Variants in HDAC7 observed in about 807,000 individuals in gnomAD.
HDAC7 encodes histone deacetylase 7A.
In HDAC7, 26 loss-of-function variants were observed where a neutral mutation model predicts 115.5. The observed-to-expected ratio is 0.23, with a 90% CI of 0.16 to 0.31. The LOEUF (loss-of-function observed/expected upper bound fraction) is 0.31. Ranked by LOEUF, HDAC7 falls within the 10% of genes least tolerant of loss-of-function variation. HDAC7 has a pLI of 1.00. For synonymous variants in HDAC7, 564 were observed against 550.9 expected (o/e 1.02, Z -0.33); for missense variants, 1,068 against 1,329.0 (o/e 0.80, Z 3.05).
chr12:47,785,587 T>C, intron 23 of HDAC7, 116 bp from the exon 24 acceptor site: 1 of 1,366,670 alleles, frequency 7.3e-7, no homozygotes, highest in African/African-American at 1.4e-5. Context: ...GGCCAGGAGA[T>C]GCTGCCTGGA....
chr12:47,810,804 GTCTCTCTCTC>G (rs60132211), intron 1 of HDAC7, among the ~76,000 whole-genome samples: 21,718 of 131,588 alleles, frequency 0.17, 2,060 homozygotes, highest in Non-Finnish European at 0.23. Flanking sequence ...GGAGGAAAAG[GTCTCTCTCTC>G]TCTCTCTCTC....
chr12:47,787,174 G>A (rs1012158161), intron 21 of HDAC7, among the ~76,000 whole-genome samples: 4 of 152,222 alleles, frequency 2.6e-5, no homozygotes, highest in South Asian at 2.1e-4. Flanking sequence ...CTGAGTAGGG[G>A]ACAACTAGGT....
rs1190141820 is a variant in HDAC7 at position 47,798,525 on chromosome 12, G to A, written c.349+37C>T. The stretch of plus-strand genomic sequence containing the variant: ...ACAGGCAGCCGCAGGCACCTGGCTG[G>A]TGGGGCTGGGCTGGGCTGGGGTGGC... On this transcript the variant is annotated intron_variant, in intron 4 of 25. Coordinates refer to ENST00000080059, the MANE Select transcript of HDAC7 (RefSeq NM_015401.5). This position sits in a 1 kb window ranked among gnomAD's most constrained non-coding sequence, Gnocchi z 4.3. The A allele has an allele frequency of 6.3e-7, 1 of 1,592,550 alleles. No homozygotes were observed. The highest frequency in any genetic ancestry group is 8.6e-7 in the Non-Finnish European group (1 of 1,162,556).
In HDAC7 at chr12:47,785,791, G is replaced by A. The variant is rs112697288; in HGVS notation, c.2667C>T (p.Asp889=). The A allele has an allele frequency of 2.1e-4, 330 of 1,609,722 alleles. No homozygotes were observed. In the African/African-American group the frequency reaches 2.9e-3, roughly 14 times the overall value. The change falls in exon 23 of 26, where the codon GAC becomes GAT. Residue 889 remains aspartate, a synonymous_variant. Coordinates refer to ENST00000080059, the MANE Select transcript of HDAC7 (RefSeq NM_015401.5). ...EGGHDLTAIC[D]ASEACVAALL... is the part of the protein sequence containing the mutation. ...GAGCAGCCACACAGGCCTCAGAGGC[G>A]TCACAGATGGCTGTGAGGTCATGGC...
intron 1 of HDAC7, among the ~76,000 whole-genome samples, chr12:47,808,438 T>C (rs916535071): frequency 1.2e-4 from 19 of 152,062 alleles, no homozygotes; most frequent in African/African-American, 4.6e-4. Context: ...TGGTTCTTTG[T>C]CCCCCACCCC....
At chr12:47,788,274 G>A (rs1488439282) in intron 19 of HDAC7, 110 bp from the exon 20 acceptor site, 1 of 1,375,346 alleles carries the variant, frequency 7.3e-7, no homozygotes. Context: ...CCTAGACTGG[G>A]ATCAGGAACC....
intron 1 of HDAC7, among the ~76,000 whole-genome samples, chr12:47,806,840 T>C (rs1339074945): frequency 6.6e-6 from 1 of 152,106 alleles, no homozygotes; most frequent in Non-Finnish European, 1.5e-5. Context: ...TGCAGCCTCC[T>C]TCCTGGCATT....
intron 1 of HDAC7, among the ~76,000 whole-genome samples, chr12:47,808,730 T>A (rs1944517858): frequency 6.6e-6 from 1 of 152,220 alleles, no homozygotes; most frequent in African/African-American, 2.4e-5. Flanking sequence ...GGCCTGCATC[T>A]ACTTCCTATT....
intron 17 of HDAC7, 69 bp downstream of exon 17, chr12:47,789,744 C>T: frequency 7.1e-7 from 1 of 1,403,916 alleles, no homozygotes; most frequent in Admixed American, 1.7e-5. Flanking sequence ...GGTTCTGGGC[C>T]TGGATTCCCC....
At chr12:47,784,481 T>C (rs1943048071) in intron 24 of HDAC7, 1 of 602,196 alleles carries the variant, frequency 1.7e-6, no homozygotes, top group Non-Finnish European at 2.9e-6. Flanking sequence ...CCCCTGTGGC[T>C]GCAAGGCCAC....
Position 47,798,262 on chromosome 12 carries a change from G to C in HDAC7, c.350-43C>G, listed in dbSNP as rs964751681. 6.7e-7 allele frequency: 1 copy of C among 1,495,450 alleles called. No individual in the cohort carries two copies. Among genetic ancestry groups the C allele is most frequent in the Non-Finnish European group, 9.3e-7 (1 of 1,074,202 alleles). The allele number at this position is 1,495,450 out of a possible 1,614,324, so 92.6% of individuals were successfully genotyped here. ...GGAGGGGGCTGGAGGTGGGTGGACA[G>C]GCGGCCTCGTGGCACTACCTGGCCA... On this transcript the variant is annotated intron_variant, in intron 4 of 25. Transcript: ENST00000080059. The surrounding 1 kb of genome is among the most constrained non-coding windows in gnomAD (Gnocchi z 4.3).
At chr12:47,812,807 C>T (rs1944722779) in intron 1 of HDAC7, 1 of 152,274 alleles carries the variant, frequency 6.6e-6, no homozygotes, top group Admixed American at 6.5e-5. Context: ...GATCCCACAC[C>T]TTTCGACTAA....
chr12:47,789,339 G>A lies in HDAC7; in HGVS notation c.2157C>T (p.Cys719=). ...AGGCGATGGCCACTGAGTTGAAGAA[G>A]CAGAAGCCCCTGGAAGGAGAGACAG... ...HADHSTAMGF[C]FFNSVAIACR... The change falls in exon 19 of 26, where the codon TGC becomes TGT. Residue 719 remains cysteine, a synonymous_variant. Transcript: ENST00000080059. The A allele has an allele frequency of 6.2e-7, 1 of 1,613,824 alleles. No homozygotes were observed. The highest frequency in any genetic ancestry group is 1.1e-5 in the South Asian group (1 of 91,086).
intron 18 of HDAC7, 33 bp downstream of exon 18, chr12:47,789,490 C>T (rs200040296): frequency 3.1e-6 from 5 of 1,610,822 alleles, no homozygotes; most frequent in East Asian, 4.5e-5. Context: ...TTGCCCCCCA[C>T]CTCATCCCAC....
chr12:47,802,683 G>A (rs1944226461), intron 1 of HDAC7, among the ~76,000 whole-genome samples: 1 of 152,194 alleles, frequency 6.6e-6, no homozygotes, highest in South Asian at 2.1e-4. Flanking sequence ...AGAGGTGGGA[G>A]AGCCTGGCTG....
chr12:47,821,217 A>C (rs769796079), upstream of HDAC7, among the ~76,000 whole-genome samples: 2 of 152,220 alleles, frequency 1.3e-5, no homozygotes, highest in Non-Finnish European at 2.9e-5. Flanking sequence ...TGGAAGCAAG[A>C]GCCCACAGTG....
At position 47,797,899 on chromosome 12, in the gene HDAC7, A is replaced by T. The variant is rs1236392804; in HGVS notation, c.461+209T>A. Among the ~76,000 whole-genome samples, 1 of 61,980 alleles carries T rather than the reference A, an allele frequency of 1.6e-5. No homozygotes were observed. The highest frequency in any genetic ancestry group is 3.7e-5 in the Non-Finnish European group (1 of 27,094). 40.7% of individuals were successfully genotyped at this position (61,980 alleles called of 152,430 possible). On this transcript the variant is annotated intron_variant, in intron 5 of 25. Coordinates refer to ENST00000080059, the MANE Select transcript of HDAC7 (RefSeq NM_015401.5). This position sits in a 1 kb window ranked among gnomAD's most constrained non-coding sequence, Gnocchi z 5.5. ...GTGTGTGTGTGTGTGTGTGTGTGAG[A>T]AGGGCTCAGGTGGGGTGGGGAGAAT... is the stretch of plus-strand genomic sequence containing the variant.
intron 2 of HDAC7, among the ~76,000 whole-genome samples, chr12:47,799,762 T>C (rs1415800627): frequency 6.6e-6 from 1 of 152,194 alleles, no homozygotes; most frequent in Admixed American, 6.5e-5. Flanking sequence ...GGGCTATTTA[T>C]AACTGGCCAC....
In HDAC7 at chr12:47,795,527, G is replaced by A; in HGVS notation, c.1087+60C>T. On this transcript the variant is annotated intron_variant, in intron 10 of 25. Transcript: ENST00000080059. The surrounding 1 kb of genome is among the most constrained non-coding windows in gnomAD (Gnocchi z 4.3). ...GGGAGGAAGGATGGGTCCATCCCAA[G>A]CTTGGCTCTTAGCAGGGTGCAGGGA... 1 of 1,514,926 alleles carries A rather than the reference G, an allele frequency of 6.6e-7. No homozygotes were observed. The highest frequency in any genetic ancestry group is 1.2e-5 in the South Asian group (1 of 83,032). The allele number at this position is 1,514,926 out of a possible 1,614,324, so 93.8% of individuals were successfully genotyped here.
Sources: gnomAD v4.1 joint callset for allele counts (sites outside exome capture counted in the v4.1 genomes callset) on GRCh38, gnomAD v4.1.1 for gene constraint, Gnocchi (gnomAD v3.1) non-coding constraint, MANE v1.5 for transcripts, NCBI Gene and HGNC (gene_info 2026-07-23, HGNC 2026-07-21) for gene names.